SLC44A5: variants seen among roughly 807,000 people sequenced by gnomAD.
SLC44A5 encodes choline transporter-like protein 5.
SLC44A5 carries 57 observed loss-of-function variants against 101.8 expected under a neutral mutation model. The ratio of observed to expected loss-of-function variants is 0.56; its 90% CI spans 0.45 to 0.70. SLC44A5 has a LOEUF of 0.70. Ranked by LOEUF, SLC44A5 falls within the 30% of genes least tolerant of loss-of-function variation. The pLI is 0.00. For synonymous variants in SLC44A5, 281 were observed against 290.9 expected (o/e 0.97, Z 0.35); for missense variants, 737 against 853.1 (o/e 0.86, Z 1.70).
intron 2 of SLC44A5, among the ~76,000 whole-genome samples, chr1:75,502,941 C>T (rs1037674609): frequency 1.3e-5 from 2 of 152,214 alleles, no homozygotes; most frequent in South Asian, 2.1e-4. Flanking sequence ...CACTCAACCG[C>T]TCATGAGCCT....
chr1:75,405,896 A>C lies in SLC44A5; in HGVS notation c.14-9275T>G, dbSNP rs201840926. ...GGCGATAGAGATAAAAAAAAAAAAA[A>C]CCCTTTAAAAAATCAATGAATCCAG... On this transcript the variant is annotated intron_variant, in intron 2 of 23. Transcript: ENST00000370859. Among the ~76,000 whole-genome samples the C allele has an allele frequency of 6.8e-3, 1,005 of 147,648 alleles. 9 individuals carry two copies. Among genetic ancestry groups the C allele is most frequent in the African/African-American group, 0.021 (853 of 40,008 alleles).
At chr1:75,291,929 G>A (rs1037566049) in intron 5 of SLC44A5, among the ~76,000 whole-genome samples, 84 of 151,218 alleles carry the variant, frequency 5.6e-4, no homozygotes, top group East Asian at 1.6e-3. Flanking sequence ...GGAGAATGGC[G>A]TGAACCCGGG....
At chr1:75,462,581 C>A (rs1462058825) in intron 2 of SLC44A5, among the ~76,000 whole-genome samples, 1 of 152,034 alleles carries the variant, frequency 6.6e-6, no homozygotes, top group African/African-American at 2.4e-5. Context: ...GATATGCGAC[C>A]TTTCAGACAA....
At chr1:75,658,088 TGTTGTTGTC>T in the SLC44A5 span, among the ~76,000 whole-genome samples, 1 of 152,046 alleles carries the variant, frequency 6.6e-6, no homozygotes, top group Non-Finnish European at 1.5e-5. Context: ...TGGTTTTTGT[TGTTGTTGTC>T]GTTGTTGTTT....
chr1:75,609,179 G>C (rs1675505241), intron 1 of SLC44A5, among the ~76,000 whole-genome samples: 2 of 151,794 alleles, frequency 1.3e-5, no homozygotes, highest in South Asian at 4.2e-4. Flanking sequence ...CTCTTTCTCA[G>C]TCTCCTATTT....
chr1:75,599,504 G>A (rs977986933), intron 1 of SLC44A5, among the ~76,000 whole-genome samples: 3 of 152,154 alleles, frequency 2.0e-5, no homozygotes, highest in Non-Finnish European at 4.4e-5. Context: ...TGAAGATTGA[G>A]AAAGGAGATG....
At chr1:75,506,787 T>C (rs1279370063) in intron 2 of SLC44A5, among the ~76,000 whole-genome samples, 1 of 152,074 alleles carries the variant, frequency 6.6e-6, no homozygotes, top group Non-Finnish European at 1.5e-5. Flanking sequence ...GAGAGATAAT[T>C]TGACTTATTT....
intron 5 of SLC44A5, among the ~76,000 whole-genome samples, chr1:75,295,683 C>A (rs1486832504): frequency 6.6e-6 from 1 of 152,114 alleles, no homozygotes; most frequent in Non-Finnish European, 1.5e-5. Flanking sequence ...ACTTAAAAAG[C>A]AGTAGTCTTG....
intron 2 of SLC44A5, among the ~76,000 whole-genome samples, chr1:75,511,099 C>T (rs1669546832): frequency 6.6e-6 from 1 of 151,976 alleles, no homozygotes; most frequent in Admixed American, 6.6e-5. Context: ...GCTGAGATCG[C>T]GCAACTGCAC....
intron 3 of SLC44A5, among the ~76,000 whole-genome samples, chr1:75,385,718 A>G (rs1661280857): frequency 1.3e-5 from 2 of 152,222 alleles, no homozygotes; most frequent in South Asian, 4.1e-4. Context: ...TGAAGCCAGC[A>G]TCATTCTGAT....
chr1:75,271,030 C>A (rs984623300), intron 6 of SLC44A5, among the ~76,000 whole-genome samples: 4 of 151,974 alleles, frequency 2.6e-5, no homozygotes, highest in Admixed American at 1.3e-4. Context: ...GTGAAGGTTG[C>A]AAAGGTTTTG....
intron 2 of SLC44A5, among the ~76,000 whole-genome samples, chr1:75,527,181 GA>G (rs1050994978): frequency 1.6e-4 from 24 of 148,962 alleles, no homozygotes; most frequent in African/African-American, 5.4e-4. Flanking sequence ...GAAAAGGAAA[GA>G]AAAAAAGAGA....
intron 3 of SLC44A5, among the ~76,000 whole-genome samples, chr1:75,368,531 G>A (rs1010710735): frequency 1.3e-5 from 2 of 152,056 alleles, no homozygotes; most frequent in Admixed American, 1.3e-4. Context: ...GACTTAGGTG[G>A]CATTAACTCA....
intron 5 of SLC44A5, among the ~76,000 whole-genome samples, chr1:75,289,687 G>A (rs946622073): frequency 3.3e-5 from 5 of 152,184 alleles, no homozygotes; most frequent in Non-Finnish European, 5.9e-5. Context: ...AGGTACCTTT[G>A]ATCAACTGAC....
chr1:75,340,953 G>A (rs1297737107), intron 3 of SLC44A5, among the ~76,000 whole-genome samples: 3 of 152,180 alleles, frequency 2.0e-5, no homozygotes, highest in East Asian at 1.9e-4. Flanking sequence ...GAAGCCCAGC[G>A]TTGAGTTTCA....
At chr1:75,300,569 C>A in intron 5 of SLC44A5, 43 bp downstream of exon 5, 6 of 1,284,732 alleles carry the variant, frequency 4.7e-6, no homozygotes, top group Non-Finnish European at 6.6e-6. Context: ...TTAGTTATTC[C>A]ATTAGCAAGT....
At chr1:75,703,912 G>A in the SLC44A5 span, among the ~76,000 whole-genome samples, 4 of 152,084 alleles carry the variant, frequency 2.6e-5, no homozygotes, top group Non-Finnish European at 5.9e-5. Flanking sequence ...TCCAGGCCAA[G>A]CATGGTGGCT....
chr1:75,390,127 A>G (rs973379190), intron 3 of SLC44A5, among the ~76,000 whole-genome samples: 29 of 152,230 alleles, frequency 1.9e-4, no homozygotes, highest in African/African-American at 7.0e-4. Flanking sequence ...GAAACACTGA[A>G]CAGGCCAATA....
At chr1:75,629,681 A>G in the SLC44A5 span, among the ~76,000 whole-genome samples, 1 of 152,188 alleles carries the variant, frequency 6.6e-6, no homozygotes, top group African/African-American at 2.4e-5. Context: ...AACTTTGCAA[A>G]CACATTATCA....
Sources: gnomAD v4.1 joint callset for allele counts (sites outside exome capture counted in the v4.1 genomes callset) on GRCh38, gnomAD v4.1.1 for gene constraint, MANE v1.5 for transcripts, NCBI Gene and HGNC (gene_info 2026-07-23, HGNC 2026-07-21) for gene names.